The following FBRSL1 variants were observed in gnomAD, a reference collection of about 807,000 sequenced individuals.
The protein encoded by FBRSL1 is fibrosin like 1.
FBRSL1 carries 51 observed loss-of-function variants against 89.6 expected under a neutral mutation model. The observed-to-expected ratio is 0.57, with a 90% CI of 0.45 to 0.72. The LOEUF is 0.72. FBRSL1 is among the 30% of genes least tolerant of loss of function. The pLI is 0.00. For missense variants in FBRSL1, 1,618 were observed against 1,451.8 expected (o/e 1.11, Z -1.86); for synonymous variants, 779 against 681.1 (o/e 1.14, Z -2.24).
intron 2 of FBRSL1, chr12:132,509,847 C>T: frequency 8.1e-7 from 1 of 1,232,012 alleles, no homozygotes. Context: ...GCGGCCACTC[C>T]TCACCCTCCG....
chr12:132,571,510 G>GCCGCACCC (rs1566229719), intron 9 of FBRSL1: 2 of 1,530,672 alleles, frequency 1.3e-6, no homozygotes, highest in African/African-American at 1.4e-5. Context: ...GACGCCGCCC[G>GCCGCACCC]CCGCACCCCC....
At chr12:132,531,767 G>C (rs183227517) in intron 4 of FBRSL1, among the ~76,000 whole-genome samples, 98 of 152,362 alleles carry the variant, frequency 6.4e-4, no homozygotes, top group African/African-American at 2.3e-3. Context: ...AGCCTAATGA[G>C]AAGGCACAGC....
At position 132,559,643 on chromosome 12, in the gene FBRSL1, C is replaced by G. The variant is rs576176588; in HGVS notation, c.646-7838C>G. ...TCTCGAACTCCTGGGCTCAAGTGAT[C>G]CGCCCACCTCGGCCTCCCAAAGTGC... On this transcript the variant is annotated intron_variant, in intron 5 of 18. Transcript: ENST00000680143. Among the ~76,000 whole-genome samples the G allele has an allele frequency of 6.7e-3, 1,014 of 152,264 alleles. 5 individuals carry two copies. The highest frequency in any genetic ancestry group is 0.012 in the Non-Finnish European group (786 of 67,994).
rs569869056 is a variant in FBRSL1 at position 132,514,928 on chromosome 12, CTT to C, written c.489+6585_489+6586del. Among the ~76,000 whole-genome samples the C allele has an allele frequency of 3.1e-4, 47 of 152,168 alleles. No homozygotes were observed. In the East Asian group the frequency reaches 9.1e-3, roughly 29 times the overall value. On this transcript the variant is annotated intron_variant, in intron 2 of 18. Coordinates refer to ENST00000680143, the MANE Select transcript of FBRSL1 (RefSeq NM_001367871.1). ...TAAAAATTGTCACATCTTTTTTACTCTTTTTTTTGTAGAGTCTGGGAAAGCCA... is the reference window on the plus strand; with the variant it reads ...TAAAAATTGTCACATCTTTTTTACTCTTTTTTGTAGAGTCTGGGAAAGCCA...
At chr12:132,519,281 G>A (rs1035167269) in intron 2 of FBRSL1, among the ~76,000 whole-genome samples, 13 of 152,262 alleles carry the variant, frequency 8.5e-5, no homozygotes, top group African/African-American at 3.1e-4. Context: ...GACTGTGGGA[G>A]CCTGGAGGAG....
At chr12:132,507,523 A>G in intron 1 of FBRSL1, 1 of 749,238 alleles carries the variant, frequency 1.3e-6, no homozygotes, top group Non-Finnish European at 1.6e-6. Flanking sequence ...AGGAGTCGAG[A>G]TGGGACGAGA....
In FBRSL1 at chr12:132,583,064, C is replaced by A. The variant is rs1331593285; in HGVS notation, c.2295C>A (p.Ser765Arg). The change falls in exon 19 of 19, where the codon AGC becomes AGA. Residue 765 changes from serine to arginine, a missense_variant. Physicochemically the swap from Ser to Arg is moderately radical, Grantham distance 110. Coordinates refer to ENST00000680143, the MANE Select transcript of FBRSL1 (RefSeq NM_001367871.1). ...GCGGCCTCCTGCTCCGGGCCCAGAG[C>A]GAGCTGGGCCGGTCCGGGGCCCCCG... is the stretch of plus-strand genomic sequence containing the variant. ...PVSGLLLRAQ[S>R]ELGRSGAPAE... 2 of 1,434,174 alleles carry A rather than the reference C, an allele frequency of 1.4e-6. No individual in the cohort carries two copies. Among genetic ancestry groups the A allele is most frequent in the Non-Finnish European group, 9.1e-7 (1 of 1,099,466 alleles). The allele number at this position is 1,434,174 out of a possible 1,614,324, so 88.8% of individuals were successfully genotyped here. A position where few individuals can be genotyped will look rare whatever the true frequency, so the allele number is the denominator to read the frequency against.
In FBRSL1 at chr12:132,572,525, A is replaced by G. The variant is rs1320370043; in HGVS notation, c.1435-2A>G. On this transcript the variant is annotated splice_acceptor_variant, in intron 10 of 18. Coordinates refer to ENST00000680143, the MANE Select transcript of FBRSL1 (RefSeq NM_001367871.1). LOFTEE classifies it high-confidence loss of function. Reference sequence around the variant, plus strand: ...CCTCCATCCGCTCTCCTTCTCTTACAGTTCTTCCCGTCCTTCCCTCCTGCC... The same window carrying G: ...CCTCCATCCGCTCTCCTTCTCTTACGGTTCTTCCCGTCCTTCCCTCCTGCC... The G allele has an allele frequency of 6.5e-7, 1 of 1,550,182 alleles. No homozygotes were observed. Among genetic ancestry groups the G allele is most frequent in the South Asian group, 1.2e-5 (1 of 84,036 alleles).
intron 3 of FBRSL1, among the ~76,000 whole-genome samples, chr12:132,527,479 GTCC>G (rs1286368028): frequency 5.9e-5 from 9 of 152,324 alleles, no homozygotes; most frequent in Admixed American, 4.6e-4. Context: ...GCCTAACTCT[GTCC>G]TCCTCCCTGC....
intron 2 of FBRSL1, among the ~76,000 whole-genome samples, chr12:132,515,457 A>G (rs534574985): frequency 6.6e-6 from 1 of 152,238 alleles, no homozygotes; most frequent in South Asian, 2.1e-4. Flanking sequence ...AGCAATCCTT[A>G]AAGGAAAACT....
rs1335510595 is a variant in FBRSL1 at position 132,528,573 on chromosome 12, G to A, written c.615+585G>A. Among the ~76,000 whole-genome samples the A allele has an allele frequency of 4.6e-5, 7 of 151,962 alleles. No individual in the cohort carries two copies. The East Asian group carries it at 5.8e-4, about 13-fold the overall frequency. ...TGACGGGTGTGTGCCCAGGGGGAGC[G>A]GGTGTGTTTCCCGGGGGGAGCGGGT... On this transcript the variant is annotated intron_variant, in intron 4 of 18. Coordinates refer to ENST00000680143, the MANE Select transcript of FBRSL1 (RefSeq NM_001367871.1).
chr12:132,573,829 C>T (rs1024951284), intron 11 of FBRSL1, among the ~76,000 whole-genome samples: 1 of 152,182 alleles, frequency 6.6e-6, no homozygotes, highest in Non-Finnish European at 1.5e-5. Context: ...GGGGCTGTCT[C>T]GGCCCTGGTG....
chr12:132,583,130 C>T lies in FBRSL1; in HGVS notation c.2361C>T (p.Ser787=), dbSNP rs780304489. The stretch of plus-strand genomic sequence containing the variant: ...AACCTCGGGTCAAGGAGAGCCGCTC[C>T]CCGGCCAAGGAGGAGGCCGCCAAGA... ...EAEPRVKESR[S]PAKEEAAKMP... The change falls in exon 19 of 19, where the codon TCC becomes TCT. Residue 787 remains serine, a synonymous_variant. Transcript: ENST00000680143. 48 of 1,463,090 alleles carry T rather than the reference C, an allele frequency of 3.3e-5. No homozygotes were observed. The highest frequency in any genetic ancestry group is 2.7e-4 in the South Asian group (21 of 78,304). The allele number at this position is 1,463,090 out of a possible 1,614,324, so 90.6% of individuals were successfully genotyped here.
Position 132,497,786 on chromosome 12 carries a change from A to G in FBRSL1, c.291+6925A>G, listed in dbSNP as rs1020157972. On this transcript the variant is annotated intron_variant, in intron 1 of 18. Coordinates refer to ENST00000680143, the MANE Select transcript of FBRSL1 (RefSeq NM_001367871.1). ...CCGGGGTCAGGCCCTGACTCCCGCC[A>G]TGTGGCCCATGACAAAGCCATTTGT... is the stretch of plus-strand genomic sequence containing the variant. Among the ~76,000 whole-genome samples the G allele has an allele frequency of 1.8e-4, 27 of 152,154 alleles. 1 individual carries two copies. Among genetic ancestry groups the G allele is most frequent in the East Asian group, 1.9e-4 (1 of 5,186 alleles).
chr12:132,508,633 G>T (rs539989793), intron 2 of FBRSL1, among the ~76,000 whole-genome samples: 51 of 152,350 alleles, frequency 3.3e-4, no homozygotes, highest in Non-Finnish European at 1.5e-4. Context: ...GCGCCAAGCT[G>T]ATAGGCCGGC....
chr12:132,567,748 G>A (rs959399435), intron 6 of FBRSL1, among the ~76,000 whole-genome samples: 14 of 152,146 alleles, frequency 9.2e-5, no homozygotes, highest in African/African-American at 2.7e-4. Context: ...GGCTCCGCTC[G>A]TAGCAGCGGC....
chr12:132,525,353 C>T (rs929214231), intron 2 of FBRSL1, among the ~76,000 whole-genome samples: 1 of 152,178 alleles, frequency 6.6e-6, no homozygotes, highest in Non-Finnish European at 1.5e-5. Context: ...TGCCTGTGGT[C>T]CCTAGCACCC....
intron 1 of FBRSL1, among the ~76,000 whole-genome samples, chr12:132,498,255 G>A (rs2032380152): frequency 6.6e-6 from 1 of 152,196 alleles, no homozygotes; most frequent in South Asian, 2.1e-4. Context: ...TCGGGGGCAT[G>A]GGGCCGGGGG....
intron 4 of FBRSL1, among the ~76,000 whole-genome samples, chr12:132,535,325 C>G (rs571279755): frequency 1.3e-5 from 2 of 152,314 alleles, no homozygotes; most frequent in South Asian, 4.1e-4. Context: ...ATTATTCTGG[C>G]CCAGCCGGAG....
Sources: allele counts gnomAD v4.1 joint callset (sites outside exome capture counted in the v4.1 genomes callset), GRCh38; gene constraint gnomAD v4.1.1; transcripts MANE v1.5; gene names NCBI Gene and HGNC (gene_info 2026-07-23, HGNC 2026-07-21).